The following NID2 variants were observed in gnomAD, a reference collection of about 807,000 sequenced individuals.
NID2 encodes nidogen-2.
A neutral mutation model predicts 145.4 loss-of-function variants in NID2; 83 were observed. That is an observed-to-expected ratio of 0.57 (90% CI 0.48 to 0.69). NID2 has a LOEUF of 0.69. Ranked by LOEUF, NID2 falls within the 30% of genes least tolerant of loss-of-function variation. The pLI, the probability that NID2 is intolerant of heterozygous loss-of-function variation, is 0.00. For synonymous variants in NID2, 739 were observed against 701.3 expected (o/e 1.05, Z -0.85); for missense variants, 1,807 against 1,765.7 (o/e 1.02, Z -0.42).
At chr14:52,036,253 T>C (rs1014239030) in intron 9 of NID2, among the ~76,000 whole-genome samples, 1 of 152,218 alleles carries the variant, frequency 6.6e-6, no homozygotes, top group African/African-American at 2.4e-5. Flanking sequence ...ATATTTCACA[T>C]AATTGTAACC....
intron 7 of NID2, 128 bp downstream of exon 7, chr14:52,041,977 C>T (rs1011835360): frequency 8.4e-6 from 10 of 1,189,102 alleles, no homozygotes; most frequent in East Asian, 2.5e-5. Flanking sequence ...GAAAACTACA[C>T]ACATGTGGCT....
chr14:52,008,051 TCTC>T (rs1594995826), intron 18 of NID2, 84 bp from the exon 19 acceptor site: 13 of 1,096,710 alleles, frequency 1.2e-5, no homozygotes, highest in East Asian at 7.3e-5. Flanking sequence ...GTGATCTCCA[TCTC>T]CTCATGTATT....
intron 14 of NID2, among the ~76,000 whole-genome samples, chr14:52,017,747 T>C (rs1362113415): frequency 1.3e-5 from 2 of 152,074 alleles, no homozygotes; most frequent in South Asian, 4.2e-4. Flanking sequence ...TTCCTAAAAA[T>C]AGAAACAAAG....
chr14:52,033,241 T>G (rs1165578477), intron 9 of NID2, among the ~76,000 whole-genome samples: 1 of 152,230 alleles, frequency 6.6e-6, no homozygotes, highest in Non-Finnish European at 1.5e-5. Context: ...ATTTACTCAT[T>G]TAATCAAGGG....
At position 52,067,979 on chromosome 14, in the gene NID2, C is replaced by G. The variant is rs999997414; in HGVS notation, c.413G>C (p.Arg138Pro). 6.2e-7 allele frequency: 1 copy of G among 1,610,914 alleles called. No homozygotes were observed. Among genetic ancestry groups the G allele is most frequent in the Non-Finnish European group, 8.5e-7 (1 of 1,178,654 alleles). Residue 138 changes from arginine to proline, a missense_variant, in exon 2 of 22, where the codon CGC (arginine) becomes CCC (proline). Arg to Pro is a moderately radical substitution (Grantham distance 103). Transcript: ENST00000216286. ...TSPAVLGLAA[R>P]YVRAGFPRSA... is the part of the protein sequence containing the mutation. ...GCGCGGGAAGCCAGCGCGCACATAG[C>G]GGGCGGCCAGGCCCAGCACTGCGGG...
At chr14:52,026,156 C>T (rs1319764281) in intron 12 of NID2, among the ~76,000 whole-genome samples, 2 of 152,200 alleles carry the variant, frequency 1.3e-5, no homozygotes, top group South Asian at 2.1e-4. Flanking sequence ...GTCCACTCAG[C>T]CCATCCTGCT....
chr14:52,041,198 A>C (rs1279073205), intron 7 of NID2, among the ~76,000 whole-genome samples: 4 of 152,146 alleles, frequency 2.6e-5, no homozygotes, highest in East Asian at 1.9e-4. Flanking sequence ...AAAAACAAAT[A>C]AACTACCACC....
chr14:52,060,365 A>T lies in NID2; in HGVS notation c.535-9T>A. 15 of 319,934 alleles carry T rather than the reference A, an allele frequency of 4.7e-5. No individual in the cohort carries two copies. The highest frequency in any genetic ancestry group is 7.3e-5 in the South Asian group (1 of 13,614). The allele number at this position is 319,934 out of a possible 1,614,324, so 19.8% of individuals were successfully genotyped here. On this transcript the variant is annotated splice_polypyrimidine_tract_variant and intron_variant, in intron 2 of 21. Transcript: ENST00000216286. ...GCCTGGAAAGTGTTCAGCTGTGAGG[A>T]AAAAAAAAAAAAAAGAGAGAGAGAG...
At chr14:52,055,306 A>T (rs765008651) in intron 3 of NID2, among the ~76,000 whole-genome samples, 3 of 152,242 alleles carry the variant, frequency 2.0e-5, no homozygotes, top group African/African-American at 7.2e-5. Context: ...GTCAATAAGC[A>T]TCTGAATTAT....
intron 2 of NID2, 64 bp downstream of exon 2, chr14:52,067,794 G>T: frequency 6.4e-7 from 1 of 1,566,062 alleles, no homozygotes; most frequent in Non-Finnish European, 8.8e-7. Context: ...TCCCTGGGTC[G>T]CTGCCCCAGA....
chr14:52,060,666 T>C (rs1376633857), intron 2 of NID2, among the ~76,000 whole-genome samples: 3 of 152,216 alleles, frequency 2.0e-5, no homozygotes, highest in Non-Finnish European at 4.4e-5. Flanking sequence ...GTTTCAAACT[T>C]CTCTCATGTA....
At chr14:52,037,310 ATACTTT>A (rs1892107658) in intron 9 of NID2, among the ~76,000 whole-genome samples, 1 of 151,994 alleles carries the variant, frequency 6.6e-6, no homozygotes, top group Admixed American at 6.6e-5. Flanking sequence ...TATTATTATT[ATACTTT>A]AAGTTTTAGG....
At chr14:52,033,924 G>C (rs1314322538) in intron 9 of NID2, among the ~76,000 whole-genome samples, 2 of 152,142 alleles carry the variant, frequency 1.3e-5, no homozygotes, top group Non-Finnish European at 2.9e-5. Context: ...TTGAGTCCCA[G>C]CTCACCCAGG....
chr14:52,068,726 A>T, intron 1 of NID2, 41 bp downstream of exon 1: 1 of 1,545,690 alleles, frequency 6.5e-7, no homozygotes, highest in South Asian at 1.1e-5. Context: ...GACCCCAGGG[A>T]AGAAGCTGCG....
At position 52,006,562 on chromosome 14, in the gene NID2, G is replaced by A. The variant is rs139599501; in HGVS notation, c.3979C>T (p.His1327Tyr). The A allele has an allele frequency of 2.9e-4, 464 of 1,613,754 alleles. 1 individual carries two copies. In the African/African-American group the frequency reaches 5.3e-3, roughly 18 times the overall value. ...YPFSIVSYAD[H>Y]FYHTDWRRDG... is the part of the protein sequence containing the mutation. ...CTCCTCCAGTCTGTGTGGTAGAAGT[G>A]ATCTGCATAGCTTACGATGCTGAAG... Residue 1327 changes from histidine to tyrosine, a missense_variant, in exon 20 of 22, where the codon CAC becomes TAC. His to Tyr is a moderately conservative substitution (Grantham distance 83). Coordinates refer to ENST00000216286, the MANE Select transcript of NID2 (RefSeq NM_007361.4).
intron 3 of NID2, among the ~76,000 whole-genome samples, chr14:52,055,962 C>A (rs199775373): frequency 2.5e-5 from 1 of 39,328 alleles, no homozygotes; most frequent in African/African-American, 7.1e-5. Context: ...TGTGTGTATG[C>A]ATGTACATAT....
chr14:52,026,222 G>A (rs545703691), intron 12 of NID2, among the ~76,000 whole-genome samples: 34 of 152,364 alleles, frequency 2.2e-4, no homozygotes, highest in Admixed American at 3.3e-4. Flanking sequence ...ATCTGGTGAG[G>A]AGGAGGGAGG....
In NID2 at chr14:52,040,865, A is replaced by C; in HGVS notation, c.1826-14T>G. 3 of 1,613,020 alleles carry C rather than the reference A, an allele frequency of 1.9e-6. No homozygotes were observed. Among genetic ancestry groups the C allele is most frequent in the Non-Finnish European group, 2.5e-6 (3 of 1,178,992 alleles). On this transcript the variant is annotated splice_polypyrimidine_tract_variant and intron_variant, in intron 7 of 21. Transcript: ENST00000216286. ...TAAAGGCAGCACCTGGAGATGAAAAACATTCAGCACAGGGATGAAAAGAGG... is the reference window on the plus strand; with the variant it reads ...TAAAGGCAGCACCTGGAGATGAAAACCATTCAGCACAGGGATGAAAAGAGG...
intron 2 of NID2, among the ~76,000 whole-genome samples, chr14:52,064,916 CA>C (rs538027117): frequency 2.6e-4 from 39 of 152,154 alleles, no homozygotes; most frequent in Non-Finnish European, 5.0e-4. Flanking sequence ...CCTAAAATGA[CA>C]AAAACAAAAC....
Sources: allele counts gnomAD v4.1 joint callset (sites outside exome capture counted in the v4.1 genomes callset), GRCh38; gene constraint gnomAD v4.1.1; transcripts MANE v1.5; gene names NCBI Gene and HGNC (gene_info 2026-07-23, HGNC 2026-07-21).